SBNO2: variants seen among roughly 807,000 people sequenced by gnomAD.
SBNO2 encodes the protein protein strawberry notch homolog 2.
In SBNO2, 89 loss-of-function variants were observed where a neutral mutation model predicts 146.3. The observed-to-expected ratio is 0.61, with a 90% confidence interval of 0.51 to 0.73. SBNO2 has a LOEUF of 0.73. Ranked by LOEUF, SBNO2 falls within the 30% of genes least tolerant of loss-of-function variation. SBNO2 has a pLI of 0.00. For missense variants in SBNO2, 2,092 were observed against 2,003.7 expected (o/e 1.04, Z -0.84); for synonymous variants, 1,147 against 892.6 (o/e 1.29, Z -5.08).
intron 4 of SBNO2, among the ~76,000 whole-genome samples, chr19:1,145,639 G>A (rs576501565): frequency 2.6e-5 from 4 of 152,206 alleles, no homozygotes; most frequent in Non-Finnish European, 5.9e-5. Flanking sequence ...GCCATCAGTC[G>A]CACCCCGGGC....
intron 11 of SBNO2, among the ~76,000 whole-genome samples, chr19:1,121,853 G>C (rs952368572): frequency 1.2e-4 from 18 of 152,324 alleles, no homozygotes; most frequent in African/African-American, 3.8e-4. Flanking sequence ...GGTGAATGAT[G>C]ATGGTCACTT....
chr19:1,108,329 C>G lies in SBNO2; in HGVS notation c.3992G>C (p.Gly1331Ala). 3 of 1,377,168 alleles carry G rather than the reference C, an allele frequency of 2.2e-6. No homozygotes were observed. Among genetic ancestry groups the G allele is most frequent in the Non-Finnish European group, 2.8e-6 (3 of 1,063,320 alleles). The allele number at this position is 1,377,168 out of a possible 1,614,324, so 85.3% of individuals were successfully genotyped here. ...RSLHAGPPSE[G>A]ALGEGAGAGG... ...CGCCCCCGCGCCCTCCCCCAGCGCGCCCTCGGAGGGCGGCCCCGCGTGCAG... is the reference window on the plus strand; with the variant it reads ...CGCCCCCGCGCCCTCCCCCAGCGCGGCCTCGGAGGGCGGCCCCGCGTGCAG... The change falls in exon 32 of 32, where the codon GGC (glycine) becomes GCC (alanine). Residue 1331 changes from glycine to alanine, a missense_variant. By Grantham distance (60) the Gly-to-Ala change is moderately conservative (BLOSUM62 0). Coordinates refer to ENST00000361757, the MANE Select transcript of SBNO2 (RefSeq NM_014963.3).
In SBNO2 at chr19:1,111,049, A is replaced by G. The variant is rs752672743; in HGVS notation, c.2854T>C (p.Ser952Pro). Residue 952 changes from serine to proline, a missense_variant, in exon 25 of 32, where the codon TCC becomes CCC. Ser to Pro is a moderately conservative substitution (Grantham distance 74). Coordinates refer to ENST00000361757, the MANE Select transcript of SBNO2 (RefSeq NM_014963.3). Reference protein sequence around the residue: ...LLSVGIGGRESRNGCLDVEKD... With the variant: ...LLSVGIGGREPRNGCLDVEKD... Reference sequence around the variant, plus strand: ...TCCACGTCCAGGCAGCCATTCCGGGACTCCCGGCCACCAATGCCCACAGAC... The same window carrying G: ...TCCACGTCCAGGCAGCCATTCCGGGGCTCCCGGCCACCAATGCCCACAGAC... The G allele has an allele frequency of 6.4e-7, 1 of 1,567,636 alleles. No homozygotes were observed. Among genetic ancestry groups the G allele is most frequent in the Non-Finnish European group, 8.6e-7 (1 of 1,157,440 alleles).
chr19:1,137,479 A>G (rs574304180), intron 4 of SBNO2, among the ~76,000 whole-genome samples: 3 of 636 alleles, frequency 4.7e-3, no homozygotes, highest in African/African-American at 9.1e-3. Context: ...GCTGGGGTGC[A>G]GTGGGGGGAG....
Position 1,154,317 on chromosome 19 carries a change from C to A in SBNO2, c.-41G>T, listed in dbSNP as rs773985229. 3.4e-6 allele frequency: 4 copies of A among 1,164,188 alleles called. No homozygotes were observed. Among genetic ancestry groups the A allele is most frequent in the Non-Finnish European group, 3.3e-6 (3 of 922,308 alleles). The allele number at this position is 1,164,188 out of a possible 1,614,324, so 72.1% of individuals were successfully genotyped here. On this transcript the variant is annotated 5_prime_UTR_variant, in exon 2 of 32. Coordinates refer to ENST00000361757, the MANE Select transcript of SBNO2 (RefSeq NM_014963.3). Reference sequence around the variant, plus strand: ...GTGGGGTCCTCGGCCGGGCAGCAGGCGGCGGGACTCCAGGACCCGGGGCCG... The same window carrying A: ...GTGGGGTCCTCGGCCGGGCAGCAGGAGGCGGGACTCCAGGACCCGGGGCCG...
intron 1 of SBNO2, among the ~76,000 whole-genome samples, chr19:1,169,549 TG>T (rs1290763094): frequency 2.0e-5 from 3 of 151,900 alleles, no homozygotes; most frequent in African/African-American, 7.3e-5. Context: ...AAGCAGTGAG[TG>T]GTTCAGGGGC....
intron 31 of SBNO2, 37 bp downstream of exon 31, chr19:1,108,742 G>T: frequency 6.3e-7 from 1 of 1,587,402 alleles, no homozygotes. Context: ...CGGCGCTGGG[G>T]GCTCGGGCCT....
chr19:1,164,040 C>T (rs1186343273), intron 1 of SBNO2, among the ~76,000 whole-genome samples: 1 of 152,236 alleles, frequency 6.6e-6, no homozygotes, highest in Non-Finnish European at 1.5e-5. Flanking sequence ...CAAGGACCTC[C>T]CTCCAGGTGG....
At chr19:1,153,427 C>A (rs144134991) in intron 2 of SBNO2, among the ~76,000 whole-genome samples, 2 of 150,120 alleles carry the variant, frequency 1.3e-5, no homozygotes, top group African/African-American at 2.4e-5. Flanking sequence ...TTAGTAGAGA[C>A]AGGGTTTCAC....
chr19:1,168,770 G>C (rs1256186030), intron 1 of SBNO2: 1 of 152,230 alleles, frequency 6.6e-6, no homozygotes, highest in Admixed American at 6.5e-5. Flanking sequence ...ATGGCGGGCA[G>C]GGACTTTCTC....
At chr19:1,135,943 G>A (rs1408757759) in intron 4 of SBNO2, among the ~76,000 whole-genome samples, 1 of 152,116 alleles carries the variant, frequency 6.6e-6, no homozygotes, top group Admixed American at 6.5e-5. Context: ...CCAAAATGGT[G>A]TGATCATGTC....
intron 2 of SBNO2, among the ~76,000 whole-genome samples, chr19:1,153,547 AT>A (rs1443490887): frequency 7.0e-6 from 1 of 142,930 alleles, no homozygotes; most frequent in Non-Finnish European, 1.5e-5. Flanking sequence ...CCTATTTTTC[AT>A]TTTTTTGAGA....
At position 1,108,864 on chromosome 19, in the gene SBNO2, G is replaced by A. The variant is rs1400987810; in HGVS notation, c.3531C>T (p.Arg1177=). ...TGACGTCGGCCATGACGGCGGCGAT[G>A]CGGCCCCACACGCGCAGCAGCGCGC... ...LCGALLRVWG[R]IAAVMADVSS... The change falls in exon 31 of 32, where the codon CGC becomes CGT. Residue 1177 remains arginine, a synonymous_variant. Coordinates refer to ENST00000361757, the MANE Select transcript of SBNO2 (RefSeq NM_014963.3). 3.8e-6 allele frequency: 6 copies of A among 1,595,420 alleles called. No individual in the cohort carries two copies. Among genetic ancestry groups the A allele is most frequent in the Non-Finnish European group, 5.1e-6 (6 of 1,177,122 alleles).
Position 1,158,585 on chromosome 19 carries a change from CT to C in SBNO2, c.-126-4184del, listed in dbSNP as rs2080314077. 6.6e-6 allele frequency among the ~76,000 whole-genome samples: 1 copy of C among 152,230 alleles called. No individual in the cohort carries two copies. Among genetic ancestry groups the C allele is most frequent in the Non-Finnish European group, 1.5e-5 (1 of 68,034 alleles). On this transcript the variant is annotated intron_variant, in intron 1 of 31. Transcript: ENST00000361757. This position sits in a 1 kb window ranked among gnomAD's most constrained non-coding sequence, Gnocchi z 9.9. ...GGCACACCCGGCAGCATCTCAAGGC[CT>C]GCGCCAGCAAAGGCGGACATGGAGG... is the stretch of plus-strand genomic sequence containing the variant.
intron 23 of SBNO2, 29 bp downstream of exon 23, chr19:1,111,967 G>T: frequency 1.6e-6 from 1 of 633,850 alleles, no homozygotes; most frequent in Non-Finnish European, 2.5e-6. Flanking sequence ...CCCCTGCCCC[G>T]CCCCCCAACC....
At chr19:1,125,806 C>T (rs1345267406) in intron 5 of SBNO2, among the ~76,000 whole-genome samples, 1 of 152,084 alleles carries the variant, frequency 6.6e-6, no homozygotes, top group Non-Finnish European at 1.5e-5. Context: ...CCAGCCTGGA[C>T]AACATGATAA....
chr19:1,114,854 C>T (rs1207715553), intron 17 of SBNO2, among the ~76,000 whole-genome samples: 78 of 151,462 alleles, frequency 5.1e-4, no homozygotes, highest in African/African-American at 2.4e-5. Context: ...AGGATGGTGT[C>T]GATCTCCTGA....
chr19:1,118,114 T>C (rs1196609127), intron 14 of SBNO2, among the ~76,000 whole-genome samples: 1 of 152,084 alleles, frequency 6.6e-6, no homozygotes, highest in Admixed American at 6.6e-5. Flanking sequence ...GGCGGTCAGA[T>C]CGCCTGAGCT....
At chr19:1,125,508 T>C (rs1599843468) in intron 5 of SBNO2, among the ~76,000 whole-genome samples, 1 of 151,394 alleles carries the variant, frequency 6.6e-6, no homozygotes, top group South Asian at 2.1e-4. Flanking sequence ...CCATCTCTAC[T>C]AAAAATACAA....
Sources: allele counts gnomAD v4.1 joint callset (sites outside exome capture counted in the v4.1 genomes callset), GRCh38; gene constraint gnomAD v4.1.1; non-coding constraint Gnocchi (gnomAD v3.1); transcripts MANE v1.5; gene names NCBI Gene and HGNC (gene_info 2026-07-23, HGNC 2026-07-21).